Variants in MARS1 observed in about 807,000 individuals in gnomAD.
MARS1 encodes the protein methionyl-tRNA synthetase 1, also known as methionine--tRNA ligase, cytoplasmic.
A neutral mutation model predicts 119.5 loss-of-function variants in MARS1; 80 were observed. The observed-to-expected ratio is 0.67, with a 90% CI of 0.56 to 0.81. The LOEUF (loss-of-function observed/expected upper bound fraction) is 0.81, where lower values mean the gene tolerates loss of function less well. Among genes scored for constraint, MARS1 ranks in the 30% least tolerant of loss-of-function variants. The probability of loss-of-function intolerance (pLI) is 0.00; values close to 1 mark genes in which losing one functional copy is unlikely to be tolerated. For synonymous variants in MARS1, 418 were observed against 433.4 expected, an observed-to-expected ratio of 0.96 and a Z score of 0.44; for missense variants, 945 against 1,116.5, an observed-to-expected ratio of 0.85 and a Z score of 2.19.
chr12:57,493,303 T>C (rs779435885), intron 7 of MARS1, among the ~76,000 whole-genome samples: 2 of 108,092 alleles, frequency 1.9e-5, no homozygotes, highest in Non-Finnish European at 3.5e-5. Flanking sequence ...TATATATATA[T>C]AATATATATT....
chr12:57,493,837 TATAATATATA>T (rs1876384309), intron 7 of MARS1, among the ~76,000 whole-genome samples: 1 of 1,462 alleles, frequency 6.8e-4, no homozygotes, highest in African/African-American at 1.3e-3. Context: ...TATTATATAT[TATAATATATA>T]ATATATATAT....
intron 7 of MARS1, among the ~76,000 whole-genome samples, chr12:57,496,777 CAAAA>C (rs780162798): frequency 3.8e-5 from 3 of 78,792 alleles, no homozygotes; most frequent in Admixed American, 1.4e-4. Flanking sequence ...ACCCTGTCTC[CAAAA>C]AAAAAAAAAA....
At chr12:57,511,085 C>T (rs1246855798) in intron 11 of MARS1, among the ~76,000 whole-genome samples, 1 of 151,502 alleles carries the variant, frequency 6.6e-6, no homozygotes, top group Non-Finnish European at 1.5e-5. Context: ...AAGATTAGCA[C>T]ATCCTCTGCA....
In MARS1 at chr12:57,516,609, TAATA is replaced by T. The variant is rs902858259; in HGVS notation, c.*29_*32del. On this transcript the variant is annotated 3_prime_UTR_variant, in exon 21 of 21. Transcript: ENST00000262027. ...GACCTTGGCTCATAGAAAGTCACTT[TAATA>T]GATAGGGACAGTAATAAATAAATGT... The T allele has an allele frequency of 7.1e-6, 11 of 1,552,772 alleles. No homozygotes were observed. Among genetic ancestry groups the T allele is most frequent in the Middle Eastern group, 1.7e-4 (1 of 5,752 alleles).
At chr12:57,515,794 T>C (rs1216478650) in intron 18 of MARS1, 126 bp from the exon 19 acceptor site, 11 of 727,026 alleles carry the variant, frequency 1.5e-5, no homozygotes, top group Admixed American at 7.2e-5. Context: ...TCAGCAGATA[T>C]TAGCTCAGTG....
chr12:57,496,469 A>C (rs546497312), intron 7 of MARS1, among the ~76,000 whole-genome samples: 1 of 152,126 alleles, frequency 6.6e-6, no homozygotes, highest in South Asian at 2.1e-4. Flanking sequence ...GGCCAATACT[A>C]AGCACTTTCA....
chr12:57,494,661 G>A (rs957282218), intron 7 of MARS1, among the ~76,000 whole-genome samples: 4 of 151,804 alleles, frequency 2.6e-5, no homozygotes, highest in African/African-American at 7.3e-5. Flanking sequence ...GCAGCCTTCC[G>A]CAGTGTTTGT....
intron 7 of MARS1, among the ~76,000 whole-genome samples, chr12:57,493,296 A>ATATATATAATATATATTATATAATATAT (rs1876087460): frequency 9.1e-6 from 1 of 109,940 alleles, no homozygotes; most frequent in Non-Finnish European, 1.7e-5. Flanking sequence ...TTTTGAGTAT[A>ATATATATAATATATATTATATAATATAT]TATATATAAT....
In MARS1 at chr12:57,489,027, GT is replaced by G; in HGVS notation, c.119del (p.Val40AlafsTer4). On this transcript the variant is annotated frameshift_variant, in exon 2 of 21. Coordinates refer to ENST00000262027, the MANE Select transcript of MARS1 (RefSeq NM_004990.4). LOFTEE classifies it high-confidence loss of function. The part of the protein sequence containing the change: ...ISTVGPEDCV[V>X]PFLTRPKVPV... ...TTCCATTCTTGCATCAGATTGTGTG[GT>G]CCCGTTCCTGACCCGGCCTAAGGTC... is the stretch of plus-strand genomic sequence containing the variant. 1 of 1,611,528 alleles carries G rather than the reference GT, an allele frequency of 6.2e-7. No individual in the cohort carries two copies. Among genetic ancestry groups the G allele is most frequent in the Non-Finnish European group, 8.5e-7 (1 of 1,178,686 alleles).
chr12:57,508,327 T>C (rs1296873922), intron 11 of MARS1, among the ~76,000 whole-genome samples: 1 of 151,590 alleles, frequency 6.6e-6, no homozygotes, highest in African/African-American at 2.4e-5. Context: ...AGGTGGAGGT[T>C]GTAGCGAGCC....
chr12:57,512,580 G>A, intron 14 of MARS1, 171 bp from the exon 15 acceptor site: 1 of 651,104 alleles, frequency 1.5e-6, no homozygotes, highest in Non-Finnish European at 2.7e-6. Context: ...AAAAGGGCCA[G>A]AATGGATAGG....
In MARS1 at chr12:57,511,691, A is replaced by C. The variant is rs377050640; in HGVS notation, c.1369-7A>C. 8.9e-5 allele frequency: 143 copies of C among 1,613,906 alleles called. No individual in the cohort carries two copies. Among genetic ancestry groups the C allele is most frequent in the Middle Eastern group, 1.6e-4 (1 of 6,070 alleles). On this transcript the variant is annotated splice_region_variant and splice_polypyrimidine_tract_variant and intron_variant, in intron 11 of 20. Coordinates refer to ENST00000262027, the MANE Select transcript of MARS1 (RefSeq NM_004990.4). ...CCTAAATCAGCCCTCTTTCTCCGTT[A>C]TCTCAGCTGGAGAAGCGACTGGAGG...
At position 57,515,163 on chromosome 12, in the gene MARS1, A is replaced by G. The variant is rs1458965186; in HGVS notation, c.2218A>G (p.Thr740Ala). ...GSEADRQRAGTVTGLAVNIAA... is the reference protein window; with the variant it reads ...GSEADRQRAGAVTGLAVNIAA... ...CCTCTTCCTCAGGCAACGGGCAGGA[A>G]CAGTGACTGGCTTGGCAGTGAATAT... Residue 740 changes from threonine to alanine, a missense_variant, in exon 18 of 21, where the codon ACA becomes GCA. Transcript: ENST00000262027. 5 of 1,614,236 alleles carry G rather than the reference A, an allele frequency of 3.1e-6. No homozygotes were observed. The South Asian group carries it at 3.3e-5, about 11-fold the overall frequency.
In MARS1 at chr12:57,516,536, T is replaced by C. The variant is rs1487848397; in HGVS notation, c.2658T>C (p.Ala886=). The C allele has an allele frequency of 6.2e-7, 1 of 1,609,838 alleles. No individual in the cohort carries two copies. Among genetic ancestry groups the C allele is most frequent in the Non-Finnish European group, 8.5e-7 (1 of 1,178,864 alleles). The change falls in exon 21 of 21, where the codon GCT becomes GCC. Residue 886 remains alanine, a synonymous_variant. Transcript: ENST00000262027. ...LLDLKKQLAV[A]EGKPPEAPKG... ...ATCTAAAGAAACAGTTGGCTGTAGC[T>C]GAGGGGAAACCCCCTGAAGCCCCTA...
intron 11 of MARS1, among the ~76,000 whole-genome samples, chr12:57,507,618 C>G (rs1338715975): frequency 7.4e-6 from 1 of 135,744 alleles, no homozygotes; most frequent in Non-Finnish European, 1.6e-5. Flanking sequence ...GGTCTGGCCC[C>G]CCACCTCCCT....
intron 7 of MARS1, among the ~76,000 whole-genome samples, chr12:57,495,402 G>A (rs1055684979): frequency 1.1e-4 from 16 of 145,688 alleles, no homozygotes; most frequent in Non-Finnish European, 2.2e-4. Context: ...CATCTCAGAC[G>A]GGGCGGCGGG....
rs376010822 is a variant in MARS1, at chr12:57,504,219, T to A, written c.1294-6T>A. 5 of 1,613,386 alleles carry A rather than the reference T, an allele frequency of 3.1e-6. No individual in the cohort carries two copies. The African/African-American group carries it at 4.0e-5, about 13-fold the overall frequency. Reference sequence around the variant, plus strand: ...CTGATCTGTCCTCTGGAATTTTCCTTCGCAGAAGCCTCAGTGTAAAGTCTG... The same window carrying A: ...CTGATCTGTCCTCTGGAATTTTCCTACGCAGAAGCCTCAGTGTAAAGTCTG... On this transcript the variant is annotated splice_region_variant and splice_polypyrimidine_tract_variant and intron_variant, in intron 10 of 20. Coordinates refer to ENST00000262027, the MANE Select transcript of MARS1 (RefSeq NM_004990.4).
In MARS1 at chr12:57,515,950, G is replaced by A. The variant is rs920533510; in HGVS notation, c.2422G>A (p.Asp808Asn). ...TCCCTTGTTCCAAAAATTGGAAAAT[G>A]ACCAGATTGAAAGTTTAAGGCAGCG... ...VSPLFQKLENDQIESLRQRFG... is the reference protein window; with the variant it reads ...VSPLFQKLENNQIESLRQRFG... Residue 808 changes from aspartate to asparagine, a missense_variant, in exon 19 of 21, where the codon GAC becomes AAC. Asp to Asn is a conservative substitution (Grantham distance 23). Coordinates refer to ENST00000262027, the MANE Select transcript of MARS1 (RefSeq NM_004990.4). 13 of 1,614,052 alleles carry A rather than the reference G, an allele frequency of 8.1e-6. No individual in the cohort carries two copies. Among genetic ancestry groups the A allele is most frequent in the Non-Finnish European group, 1.1e-5 (13 of 1,180,002 alleles).
intron 1 of MARS1, 132 bp downstream of exon 1, chr12:57,488,331 T>G: frequency 1.2e-6 from 1 of 841,498 alleles, no homozygotes; most frequent in South Asian, 1.6e-5. Flanking sequence ...CTATTATCCT[T>G]GATCACTCCA....
Sources: gnomAD v4.1 joint callset for allele counts (sites outside exome capture counted in the v4.1 genomes callset) on GRCh38, gnomAD v4.1.1 for gene constraint, MANE v1.5 for transcripts, NCBI Gene and HGNC (gene_info 2026-07-23, HGNC 2026-07-21) for gene names.